Variants in C8orf76 observed in about 807,000 individuals in gnomAD.
C8orf76 encodes chromosome 8 open reading frame 76.
A neutral mutation model predicts 38.1 loss-of-function variants in C8orf76; 46 were observed. The observed-to-expected ratio is 1.21, with a 90% CI of 0.95 to 1.54. The LOEUF (loss-of-function observed/expected upper bound fraction) is 1.54, where lower values mean the gene tolerates loss of function less well. C8orf76 is among the 40% of genes most tolerant of loss of function. C8orf76 has a pLI of 0.00. For synonymous variants in C8orf76, 166 were observed against 167.5 expected (o/e 0.99, Z 0.07); for missense variants, 461 against 441.6 (o/e 1.04, Z -0.39).
Position 123,231,639 on chromosome 8 carries a change from A to G in C8orf76, c.476T>C (p.Leu159Ser), listed in dbSNP as rs1346317763. The change falls in exon 4 of 6, where the codon TTG becomes TCG. Residue 159 changes from leucine to serine, a missense_variant. Physicochemically the swap from Leu to Ser is moderately radical, Grantham distance 145. Coordinates refer to ENST00000276704, the MANE Select transcript of C8orf76 (RefSeq NM_032847.3). The stretch of plus-strand genomic sequence containing the variant: ...CCAGTTCCAAGGATTAAAAGGATGC[A>G]AAGAAATCAGTTTCTGCAGGCAGAA... ...TIFCLQKLISLHPFNPWNWGK... is the reference protein window; with the variant it reads ...TIFCLQKLISSHPFNPWNWGK... 1 of 1,614,242 alleles carries G rather than the reference A, an allele frequency of 6.2e-7. No individual in the cohort carries two copies.
At position 123,231,879 on chromosome 8, in the gene C8orf76, C is replaced by T. The variant is rs968661243; in HGVS notation, c.358-122G>A. On this transcript the variant is annotated intron_variant, in intron 3 of 5. Coordinates refer to ENST00000276704, the MANE Select transcript of C8orf76 (RefSeq NM_032847.3). ...TTAGAAGTATCTTTCAGTAGCTATA[C>T]GAGTGACCTAAATATATTTCAATAT... 7.8e-6 allele frequency: 8 copies of T among 1,023,332 alleles called. No homozygotes were observed. In the East Asian group the frequency reaches 7.8e-5, roughly 10 times the overall value. The allele number at this position is 1,023,332 out of a possible 1,614,324, so 63.4% of individuals were successfully genotyped here. A position where few individuals can be genotyped will look rare whatever the true frequency, so the allele number is the denominator to read the frequency against.
chr8:123,225,327 T>TG (rs1202030384), intron 5 of C8orf76, among the ~76,000 whole-genome samples: 1 of 152,110 alleles, frequency 6.6e-6, no homozygotes, highest in African/African-American at 2.4e-5. Flanking sequence ...ATTTTGTACT[T>TG]GAAGTGACAG....
chr8:123,235,565 C>T (rs986183300), intron 3 of C8orf76, among the ~76,000 whole-genome samples: 10 of 152,300 alleles, frequency 6.6e-5, no homozygotes, highest in African/African-American at 1.9e-4. Context: ...CAGAAAGGGG[C>T]GAACCCCACG....
chr8:123,237,952 T>C lies in C8orf76; in HGVS notation c.214-11A>G. 1 of 1,600,810 alleles carries C rather than the reference T, an allele frequency of 6.2e-7. No individual in the cohort carries two copies. The highest frequency in any genetic ancestry group is 8.5e-7 in the Non-Finnish European group (1 of 1,175,208). On this transcript the variant is annotated splice_polypyrimidine_tract_variant and intron_variant, in intron 2 of 5. Transcript: ENST00000276704. The stretch of plus-strand genomic sequence containing the variant: ...CTCCTGCAGTGCTTTCTGGAAATTA[T>C]TTGTTAAATAAAGAAATGAAAGGAG...
At chr8:123,220,682 T>C (rs1177197838) in intron 5 of C8orf76, among the ~76,000 whole-genome samples, 1 of 152,198 alleles carries the variant, frequency 6.6e-6, no homozygotes, top group African/African-American at 2.4e-5. Context: ...AACTGTAGCA[T>C]GTAGCTGGGC....
At chr8:123,225,694 A>C (rs937949557) in intron 5 of C8orf76, among the ~76,000 whole-genome samples, 11 of 152,202 alleles carry the variant, frequency 7.2e-5, no homozygotes, top group Non-Finnish European at 1.5e-4. Flanking sequence ...TGGGAGGCCG[A>C]GGTGGGTAGA....
At chr8:123,241,181 G>C in intron 1 of C8orf76, 49 bp downstream of exon 1, 3 of 1,511,568 alleles carry the variant, frequency 2.0e-6, no homozygotes, top group Non-Finnish European at 2.6e-6. Flanking sequence ...GCCCCGCGGA[G>C]GGCGAGGCCT....
intron 2 of C8orf76, chr8:123,238,608 C>T (rs552328488): frequency 6.3e-6 from 1 of 157,626 alleles, no homozygotes; most frequent in South Asian, 1.9e-4. Flanking sequence ...GGTATTGCCA[C>T]TAACTTACTT....
chr8:123,237,999 A>G lies in C8orf76; in HGVS notation c.214-58T>C, dbSNP rs1586812366. ...GGAGGAAAACATAACAGAAAAAAGG[A>G]TTCAGAATAGGGGTGATTTTTTTTC... On this transcript the variant is annotated intron_variant, in intron 2 of 5. Transcript: ENST00000276704. 6 of 1,568,724 alleles carry G rather than the reference A, an allele frequency of 3.8e-6. No homozygotes were observed. The African/African-American group carries it at 6.8e-5, about 18-fold the overall frequency.
At chr8:123,227,676 C>G (rs1014200192) in intron 4 of C8orf76, among the ~76,000 whole-genome samples, 1 of 152,034 alleles carries the variant, frequency 6.6e-6, no homozygotes, top group Non-Finnish European at 1.5e-5. Context: ...GCTTGAAAAT[C>G]ACTAAGATCA....
intron 3 of C8orf76, among the ~76,000 whole-genome samples, chr8:123,235,694 C>T (rs574986755): frequency 2.0e-4 from 30 of 152,266 alleles, no homozygotes; most frequent in African/African-American, 5.5e-4. Context: ...TCCCCAGCAC[C>T]GGAGACCTGG....
intron 5 of C8orf76, among the ~76,000 whole-genome samples, chr8:123,225,610 CA>C (rs1825017596): frequency 6.6e-6 from 1 of 152,144 alleles, no homozygotes; most frequent in South Asian, 2.1e-4. Flanking sequence ...AGGAGAAAAA[CA>C]AACCAGTGTA....
chr8:123,221,193 C>T (rs1824887396), intron 5 of C8orf76, among the ~76,000 whole-genome samples: 1 of 152,174 alleles, frequency 6.6e-6, no homozygotes, highest in Admixed American at 6.5e-5. Context: ...GAGGAAATTG[C>T]CAGTGAGAGC....
chr8:123,221,244 G>GT (rs1267722138), intron 5 of C8orf76, among the ~76,000 whole-genome samples: 1 of 152,170 alleles, frequency 6.6e-6, no homozygotes, highest in Admixed American at 6.5e-5. Flanking sequence ...CTAAAGCCTG[G>GT]TATTTCACCA....
intron 4 of C8orf76, 24 bp downstream of exon 4, chr8:123,231,276 T>C: frequency 6.3e-7 from 1 of 1,582,734 alleles, no homozygotes; most frequent in Non-Finnish European, 8.6e-7. Flanking sequence ...TTACCAAGCG[T>C]TGCTTAAGTG....
At chr8:123,228,644 A>AC (rs1825131809) in intron 4 of C8orf76, among the ~76,000 whole-genome samples, 1 of 150,762 alleles carries the variant, frequency 6.6e-6, no homozygotes, top group South Asian at 2.1e-4. Flanking sequence ...CAAAACCCAA[A>AC]ACACACACAC....
chr8:123,241,161 C>A, intron 1 of C8orf76, 69 bp downstream of exon 1: 1 of 1,454,444 alleles, frequency 6.9e-7, no homozygotes, highest in Non-Finnish European at 9.0e-7. Flanking sequence ...GGGCCGAGGC[C>A]GGGGCCGGGG....
Position 123,241,363 on chromosome 8 carries a change from G to T in C8orf76, c.-17C>A, listed in dbSNP as rs767772069. The T allele has an allele frequency of 6.5e-7, 1 of 1,543,794 alleles. No homozygotes were observed. Among genetic ancestry groups the T allele is most frequent in the Non-Finnish European group, 8.7e-7 (1 of 1,154,778 alleles). On this transcript the variant is annotated 5_prime_UTR_variant, in exon 1 of 6. Coordinates refer to ENST00000276704, the MANE Select transcript of C8orf76 (RefSeq NM_032847.3). ...GGAATCCATCTCGCGCCCGCGGCGG[G>T]GGCAACGAGGAAGCGGGGCCCGCCG... is the stretch of plus-strand genomic sequence containing the variant.
intron 5 of C8orf76, among the ~76,000 whole-genome samples, chr8:123,224,351 T>A (rs114759891): frequency 2.6e-5 from 4 of 152,160 alleles, no homozygotes; most frequent in African/African-American, 9.6e-5. Flanking sequence ...GTGGCTCACA[T>A]CTATAATCCT....
Sources: gnomAD v4.1 joint callset for allele counts (sites outside exome capture counted in the v4.1 genomes callset) on GRCh38, gnomAD v4.1.1 for gene constraint, MANE v1.5 for transcripts, NCBI Gene and HGNC (gene_info 2026-07-23, HGNC 2026-07-21) for gene names.